Variants in CACNA1E observed in about 807,000 individuals in gnomAD.
CACNA1E encodes the protein calcium voltage-gated channel subunit alpha1 E.
CACNA1E carries 40 observed loss-of-function variants against 259.2 expected under a neutral mutation model. The observed-to-expected ratio is 0.15, with a 90% CI of 0.12 to 0.20. The LOEUF (loss-of-function observed/expected upper bound fraction) is 0.20, where lower values mean the gene tolerates loss of function less well. CACNA1E is among the 10% of genes least tolerant of loss of function. CACNA1E has a pLI of 1.00. For synonymous variants in CACNA1E, 1,104 were observed against 1,138.5 expected, an observed-to-expected ratio of 0.97 and a Z score of 0.61; for missense variants, 1,874 against 3,040.1, an observed-to-expected ratio of 0.62 and a Z score of 9.02.
chr1:181,674,925 G>A (rs1016246629), intron 7 of CACNA1E, among the ~76,000 whole-genome samples: 1 of 152,202 alleles, frequency 6.6e-6, no homozygotes, highest in Non-Finnish European at 1.5e-5. Flanking sequence ...GGAAGTTCAG[G>A]CTCTCTCATT....
intron 1 of CACNA1E, among the ~76,000 whole-genome samples, chr1:181,399,997 A>G (rs112560732): frequency 1.4e-3 from 216 of 152,316 alleles, no homozygotes; most frequent in Admixed American, 4.2e-3. Context: ...CTTCATTGCT[A>G]AATTTTAGCC....
rs1662237434 is a variant in CACNA1E, at chr1:181,801,050, CCTTGTATTGCTTTTAAAGTT to C, written c.*2217_*2236del. On this transcript the variant is annotated 3_prime_UTR_variant, in exon 48 of 48. Transcript: ENST00000367573. ...TGTTACGTAAGACGCTGATACTGGG[CCTTGTATTGCTTTTAAAGTT>C]TCCTCTGCTCAGCATCATTTCATGC... 2 of 152,632 alleles carry C rather than the reference CCTTGTATTGCTTTTAAAGTT, an allele frequency of 1.3e-5. No homozygotes were observed. Among genetic ancestry groups the C allele is most frequent in the African/African-American group, 4.8e-5 (2 of 41,450 alleles). The allele number at this position is 152,632 out of a possible 1,614,324, so 9.5% of individuals were successfully genotyped here.
In CACNA1E at chr1:181,763,348, T is replaced by C. The variant is rs959226199; in HGVS notation, c.4690-58T>C. The C allele has an allele frequency of 1.1e-5, 16 of 1,415,888 alleles. No homozygotes were observed. The African/African-American group carries it at 2.0e-4, about 18-fold the overall frequency. 87.7% of individuals were successfully genotyped at this position (1,415,888 alleles called of 1,614,324 possible). On this transcript the variant is annotated intron_variant, in intron 33 of 47. Coordinates refer to ENST00000367573, the MANE Select transcript of CACNA1E (RefSeq NM_001205293.3). Reference sequence around the variant, plus strand: ...GGATAAATACACAAATACTAGTGCTTAGATTTTTCTAAATCACCATAATGT... The same window carrying C: ...GGATAAATACACAAATACTAGTGCTCAGATTTTTCTAAATCACCATAATGT...
At position 181,736,185 on chromosome 1, in the gene CACNA1E, C is replaced by T. The variant is rs1656013921; in HGVS notation, c.3263-90C>T. Reference sequence around the variant, plus strand: ...AGGGACATCCCTGGAGCCCTTTCTCCTCCTCTCCTTTCATCCCCAACTAAA... The same window carrying T: ...AGGGACATCCCTGGAGCCCTTTCTCTTCCTCTCCTTTCATCCCCAACTAAA... On this transcript the variant is annotated intron_variant, in intron 21 of 47. Coordinates refer to ENST00000367573, the MANE Select transcript of CACNA1E (RefSeq NM_001205293.3). 2.0e-6 allele frequency: 3 copies of T among 1,465,020 alleles called. No homozygotes were observed. In the African/African-American group the frequency reaches 4.2e-5, roughly 21 times the overall value. 90.8% of individuals were successfully genotyped at this position (1,465,020 alleles called of 1,614,324 possible). A position where few individuals can be genotyped will look rare whatever the true frequency, so the allele number is the denominator to read the frequency against.
At chr1:181,767,074 T>A (rs748009084) in intron 35 of CACNA1E, among the ~76,000 whole-genome samples, 10 of 152,070 alleles carry the variant, frequency 6.6e-5, no homozygotes, top group African/African-American at 9.7e-5. Flanking sequence ...TCTTATAGAG[T>A]CTTATACTTA....
chr1:181,481,335 TACACAC>T (rs113766656), upstream of CACNA1E, among the ~76,000 whole-genome samples: 2,583 of 145,482 alleles, frequency 0.018, 115 homozygotes, highest in East Asian at 0.19. Context: ...AGAATTTTCC[TACACAC>T]ACACACACAC....
chr1:181,690,282 T>C (rs1309960013), intron 7 of CACNA1E, among the ~76,000 whole-genome samples: 1 of 152,200 alleles, frequency 6.6e-6, no homozygotes, highest in Non-Finnish European at 1.5e-5. Flanking sequence ...GATCAGATGG[T>C]TGTAGATGTG....
chr1:181,505,825 C>T (rs1665664999), intron 1 of CACNA1E, among the ~76,000 whole-genome samples: 1 of 151,930 alleles, frequency 6.6e-6, no homozygotes, highest in African/African-American at 2.4e-5. Flanking sequence ...GTAAGGATAC[C>T]TCTGGCTCTA....
intron 25 of CACNA1E, among the ~76,000 whole-genome samples, chr1:181,747,958 A>G (rs997081794): frequency 1.3e-5 from 2 of 152,172 alleles, no homozygotes; most frequent in Non-Finnish European, 2.9e-5. Context: ...TTTGTTATTC[A>G]GTACTCTTTT....
chr1:181,538,970 A>G (rs1263958742), intron 3 of CACNA1E, among the ~76,000 whole-genome samples: 1 of 152,248 alleles, frequency 6.6e-6, no homozygotes, highest in Non-Finnish European at 1.5e-5. Context: ...TTTCTGCAGC[A>G]GAATACAAGA....
intron 3 of CACNA1E, among the ~76,000 whole-genome samples, chr1:181,536,916 T>A (rs891601818): frequency 2.0e-5 from 3 of 151,872 alleles, no homozygotes; most frequent in African/African-American, 7.3e-5. Context: ...GGAGGAGGGT[T>A]AAAGTGAGTG....
At chr1:181,572,474 C>G (rs1350632980) in intron 3 of CACNA1E, among the ~76,000 whole-genome samples, 1 of 152,180 alleles carries the variant, frequency 6.6e-6, no homozygotes, top group African/African-American at 2.4e-5. Context: ...TGACTGTGTG[C>G]AGAACATGAT....
At chr1:181,478,039 A>G (rs965123140) in intron 2 of CACNA1E, among the ~76,000 whole-genome samples, 1 of 152,212 alleles carries the variant, frequency 6.6e-6, no homozygotes, top group African/African-American at 2.4e-5. Flanking sequence ...TAATGGTCAC[A>G]TATTGTGAAG....
At chr1:181,383,692 A>G (rs1655628215) in intron 1 of CACNA1E, among the ~76,000 whole-genome samples, 1 of 152,248 alleles carries the variant, frequency 6.6e-6, no homozygotes, top group Non-Finnish European at 1.5e-5. Flanking sequence ...ATACTGTGGC[A>G]GAAACTGGCA....
chr1:181,505,935 C>T (rs1213349834), intron 1 of CACNA1E, among the ~76,000 whole-genome samples: 1 of 152,226 alleles, frequency 6.6e-6, no homozygotes, highest in African/African-American at 2.4e-5. Context: ...GTGAGTGAGG[C>T]AGGCAAGGTC....
chr1:181,324,793 G>A (rs984038894), intron 1 of CACNA1E, among the ~76,000 whole-genome samples: 6 of 152,104 alleles, frequency 3.9e-5, no homozygotes, highest in Non-Finnish European at 5.9e-5. Context: ...GGATGGAGAG[G>A]GACAGGCAAT....
rs1658759971 is a variant in CACNA1E at position 181,763,409 on chromosome 1, G to A, written c.4693G>A (p.Val1565Met). ...TEIILTDSKL[V>M]NTSGFNMSFL... is the part of the protein sequence containing the mutation. ...ATGTTTCCTTTTGGTCCACCAGCTG[G>A]TGAACACCAGTGGCTTCAATATGAG... Residue 1565 changes from valine (V) to methionine (M), a missense_variant, in exon 34 of 48, where the codon GTG becomes ATG. Physicochemically the swap from Val to Met is conservative, Grantham distance 21. Coordinates refer to ENST00000367573, the MANE Select transcript of CACNA1E (RefSeq NM_001205293.3). The A allele has an allele frequency of 1.3e-6, 2 of 1,580,072 alleles. No individual in the cohort carries two copies. Among genetic ancestry groups the A allele is most frequent in the Non-Finnish European group, 8.6e-7 (1 of 1,157,940 alleles).
intron 6 of CACNA1E, among the ~76,000 whole-genome samples, chr1:181,583,147 T>C (rs1651717230): frequency 7.4e-6 from 1 of 134,714 alleles, no homozygotes; most frequent in Admixed American, 7.5e-5. Context: ...CACACACACT[T>C]ATACACACTG....
intron 30 of CACNA1E, among the ~76,000 whole-genome samples, chr1:181,757,606 A>G (rs942246283): frequency 1.3e-5 from 2 of 152,244 alleles, no homozygotes; most frequent in East Asian, 3.8e-4. Context: ...GAAATGCGAC[A>G]TAAAGTGCTG....
Sources: gnomAD v4.1 joint callset for allele counts (sites outside exome capture counted in the v4.1 genomes callset) on GRCh38, gnomAD v4.1.1 for gene constraint, MANE v1.5 for transcripts, NCBI Gene and HGNC (gene_info 2026-07-23, HGNC 2026-07-21) for gene names.